PDXDC1: variants seen among roughly 807,000 people sequenced by gnomAD.
PDXDC1 encodes the protein pyridoxal dependent decarboxylase domain containing 1.
In PDXDC1, 42 loss-of-function variants were observed where a neutral mutation model predicts 100.1. That is an observed-to-expected ratio of 0.42 (90% CI 0.33 to 0.54). The LOEUF is 0.54. Ranked by LOEUF, PDXDC1 falls within the 20% of genes least tolerant of loss-of-function variation. The pLI, the probability that PDXDC1 is intolerant of heterozygous loss-of-function variation, is 0.10. For missense variants in PDXDC1, 636 were observed against 979.2 expected, an observed-to-expected ratio of 0.65 and a Z score of 4.68; for synonymous variants, 260 against 371.7, an observed-to-expected ratio of 0.70 and a Z score of 3.46.
At chr16:15,066,282 G>A (rs1280979073) in intron 16 of PDXDC1, among the ~76,000 whole-genome samples, 2 of 152,220 alleles carry the variant, frequency 1.3e-5, no homozygotes, top group African/African-American at 4.8e-5. Flanking sequence ...CCGCACTTCC[G>A]GGTGTGTGAC....
chr16:15,104,632 T>A (rs1374090377), intron 16 of PDXDC1: 1 of 1,598,282 alleles, frequency 6.3e-7, no homozygotes, highest in East Asian at 2.2e-5. Flanking sequence ...GAGTTATCAG[T>A]TATAGAATGT....
intron 16 of PDXDC1, among the ~76,000 whole-genome samples, chr16:15,112,202 T>A (rs2047095661): frequency 6.7e-6 from 1 of 148,746 alleles, no homozygotes; most frequent in South Asian, 2.2e-4. Flanking sequence ...CAGATACCTA[T>A]GAATCTCCTG....
At chr16:15,055,251 G>A (rs756413461) in intron 16 of PDXDC1, among the ~76,000 whole-genome samples, 1 of 152,176 alleles carries the variant, frequency 6.6e-6, no homozygotes, top group Non-Finnish European at 1.5e-5. Flanking sequence ...AGAGTTCAGA[G>A]ATCTATTTGA....
chr16:15,055,520 G>T (rs895424599), intron 16 of PDXDC1, among the ~76,000 whole-genome samples: 6 of 152,236 alleles, frequency 3.9e-5, no homozygotes, highest in Non-Finnish European at 8.8e-5. Context: ...CAGGCTGCGG[G>T]TCCCCGAAGG....
downstream of PDXDC1, among the ~76,000 whole-genome samples, chr16:15,142,908 G>A (rs1363811409): frequency 6.6e-6 from 1 of 152,066 alleles, no homozygotes; most frequent in Non-Finnish European, 1.5e-5. Flanking sequence ...CAAGAGCACA[G>A]AGCAGAGTGC....
chr16:14,983,397 C>A (rs1463305767), intron 1 of PDXDC1, among the ~76,000 whole-genome samples: 1 of 149,334 alleles, frequency 6.7e-6, no homozygotes, highest in Non-Finnish European at 1.5e-5. Context: ...ATGGTGAAAC[C>A]CCGTCTCTAC....
intron 4 of PDXDC1, among the ~76,000 whole-genome samples, chr16:15,002,939 G>T (rs1261365290): frequency 2.0e-5 from 3 of 152,210 alleles, no homozygotes; most frequent in African/African-American, 7.2e-5. Flanking sequence ...GTGTCTTTTT[G>T]TATGTTTTAA....
At chr16:15,129,008 C>T (rs867812083) in intron 16 of PDXDC1, among the ~76,000 whole-genome samples, 8 of 150,980 alleles carry the variant, frequency 5.3e-5, no homozygotes, top group Middle Eastern at 3.4e-3. Context: ...AGGGTTTCAC[C>T]GTTAGCCAGG....
intron 19 of PDXDC1, 170 bp from the exon 20 acceptor site, chr16:15,034,116 T>C (rs2043242899): frequency 1.6e-6 from 1 of 617,884 alleles, no homozygotes; most frequent in East Asian, 2.7e-5. Flanking sequence ...TAGGCCTCTA[T>C]GAGCATGTTA....
At chr16:15,144,261 A>G (rs368261083), downstream of PDXDC1, among the ~76,000 whole-genome samples, 40 of 152,304 alleles carry the variant, frequency 2.6e-4, no homozygotes, top group East Asian at 7.5e-3. Flanking sequence ...GGGCCAGCCG[A>G]GCCATGACCT....
At chr16:15,033,852 C>A (rs2043223746) in intron 19 of PDXDC1, among the ~76,000 whole-genome samples, 1 of 152,132 alleles carries the variant, frequency 6.6e-6, no homozygotes, top group African/African-American at 2.4e-5. Context: ...CATGGAGGAC[C>A]AGGATACAAG....
Position 15,030,075 on chromosome 16 carries a change from A to C in PDXDC1, c.1399+19A>C. ...GCAGCAGGTAAACCAGGCTTGGTGG[A>C]CATCCCTTGCTTTTGTTCTGGGGCT... On this transcript the variant is annotated intron_variant, in intron 16 of 22. Coordinates refer to ENST00000396410, the MANE Select transcript of PDXDC1 (RefSeq NM_015027.4). The C allele has an allele frequency of 6.5e-7, 1 of 1,549,624 alleles. No individual in the cohort carries two copies. The highest frequency in any genetic ancestry group is 1.2e-5 in the South Asian group (1 of 83,892).
rs532591725 is a variant in PDXDC1, at chr16:15,068,819, T to C, written c.1399+38763T>C. Among the ~76,000 whole-genome samples, 9 of 152,326 alleles carry C rather than the reference T, an allele frequency of 5.9e-5. No individual in the cohort carries two copies. In the East Asian group the frequency reaches 1.3e-3, roughly 23 times the overall value. The stretch of plus-strand genomic sequence containing the variant: ...ACCACTTTCTTAGACTTAATGAATA[T>C]AATTCTTTTCTACATGAGTAAAATA... On this transcript the variant is annotated intron_variant, in intron 16 of 16. Transcript: ENST00000535621.
intron 16 of PDXDC1, among the ~76,000 whole-genome samples, chr16:15,049,203 A>G (rs2044202208): frequency 6.7e-6 from 1 of 149,938 alleles, no homozygotes; most frequent in Admixed American, 6.6e-5. Context: ...TGATTTTTAT[A>G]CTTTTTGTAG....
chr16:15,025,192 C>T (rs2042496683), intron 13 of PDXDC1: 1 of 152,362 alleles, frequency 6.6e-6, no homozygotes, highest in Admixed American at 6.5e-5. Flanking sequence ...GTTACTAGAA[C>T]CAGAAGTGTC....
intron 16 of PDXDC1, chr16:15,069,997 A>C (rs758386817): frequency 1.7e-6 from 2 of 1,210,966 alleles, no homozygotes; most frequent in Non-Finnish European, 2.3e-6. Flanking sequence ...ATCTCAAAAA[A>C]GTAATGAATC....
chr16:15,024,597 G>A (rs1468133077), intron 13 of PDXDC1, among the ~76,000 whole-genome samples: 6 of 152,238 alleles, frequency 3.9e-5, no homozygotes, highest in Non-Finnish European at 4.4e-5. Context: ...ATTTTTAGTA[G>A]AGATGGGGTT....
In PDXDC1 at chr16:15,132,991, T is replaced by C. The variant is rs939524622; in HGVS notation, c.1400-5888T>C. ...TGCTAGATGCTGTGTGATGTGGGCATTGACCCGCAACACTGAGCTGTTTCT... is the reference window on the plus strand; with the variant it reads ...TGCTAGATGCTGTGTGATGTGGGCACTGACCCGCAACACTGAGCTGTTTCT... On this transcript the variant is annotated intron_variant, in intron 16 of 16. Transcript: ENST00000535621. 576 of 1,492,584 alleles carry C rather than the reference T, an allele frequency of 3.9e-4. 4 individuals are homozygous for C. The highest frequency in any genetic ancestry group is 1.3e-3 in the African/African-American group (92 of 72,762). 92.5% of individuals were successfully genotyped at this position (1,492,584 alleles called of 1,614,324 possible). A position where few individuals can be genotyped will look rare whatever the true frequency, so the allele number is the denominator to read the frequency against.
chr16:15,016,122 A>C lies in PDXDC1; in HGVS notation c.728-7A>C, dbSNP rs1157422839. 6.2e-7 allele frequency: 1 copy of C among 1,613,956 alleles called. No individual in the cohort carries two copies. ...TCCTTTTAATGCCCTGATGTGTTTT[A>C]TCCTAGGAACGGCAGCAGTAGGACA... is the stretch of plus-strand genomic sequence containing the variant. On this transcript the variant is annotated splice_polypyrimidine_tract_variant and splice_region_variant and intron_variant, in intron 8 of 22. Coordinates refer to ENST00000396410, the MANE Select transcript of PDXDC1 (RefSeq NM_015027.4).
Sources: allele counts gnomAD v4.1 joint callset (sites outside exome capture counted in the v4.1 genomes callset), GRCh38; gene constraint gnomAD v4.1.1; transcripts MANE v1.5; gene names NCBI Gene and HGNC (gene_info 2026-07-23, HGNC 2026-07-21).